ENOX2: variants seen among roughly 807,000 people sequenced by gnomAD.
ENOX2 encodes the protein APK1 antigen.
ENOX2 carries 36 observed loss-of-function variants against 45.0 expected under a neutral mutation model. The ratio of observed to expected loss-of-function variants is 0.80; its 90% confidence interval spans 0.61 to 1.06. The LOEUF is 1.06. Ranked by LOEUF, ENOX2 falls within the 50% of genes least tolerant of loss-of-function variation. The pLI is 0.00. For synonymous variants in ENOX2, 174 were observed against 152.3 expected (o/e 1.14, Z -1.05); for missense variants, 423 against 462.5 (o/e 0.91, Z 0.78).
chrX:130,632,979 G>A (rs963630349), intron 12 of ENOX2, among the ~76,000 whole-genome samples: 3 of 112,235 alleles, frequency 2.7e-5, no homozygotes, highest in South Asian at 3.7e-4. Flanking sequence ...ACAGATTGGG[G>A]TTGATTTAAG....
chrX:130,795,404 G>A (rs754527735), intron 2 of ENOX2, among the ~76,000 whole-genome samples: 2 of 111,399 alleles, frequency 1.8e-5, no homozygotes, highest in East Asian at 5.6e-4. Flanking sequence ...TACCATTGCT[G>A]TTGTATAAAA....
intron 2 of ENOX2, among the ~76,000 whole-genome samples, chrX:130,788,566 G>A (rs761702690): frequency 1.2e-3 from 132 of 111,134 alleles, no homozygotes; most frequent in Non-Finnish European, 1.5e-3. Flanking sequence ...ACAGCTTCTT[G>A]CTTATCTTAC....
chrX:130,774,438 GTGTT>G (rs2039807865), intron 3 of ENOX2, among the ~76,000 whole-genome samples: 1 of 111,951 alleles, frequency 8.9e-6, no homozygotes, highest in African/African-American at 3.3e-5. Flanking sequence ...ATTAGTATCT[GTGTT>G]TGTTTCCTTA....
At chrX:130,667,821 A>G (rs2036876215) in intron 7 of ENOX2, 79 bp from the exon 8 acceptor site, 1 of 805,858 alleles carries the variant, frequency 1.2e-6, no homozygotes, top group Non-Finnish European at 1.8e-6. Context: ...CAAAGAGGGC[A>G]TCATGATTTT....
chrX:130,670,234 GGGAGAGAA>G (rs779208737), intron 6 of ENOX2, 36 bp from the exon 7 acceptor site: 150 of 977,892 alleles, frequency 1.5e-4, no homozygotes, highest in Non-Finnish European at 2.0e-4. Flanking sequence ...AGAGGAGAGA[GGGAGAGAA>G]GGAGAGAAGT....
At chrX:130,728,829 T>C (rs1391139275) in intron 3 of ENOX2, among the ~76,000 whole-genome samples, 1 of 111,760 alleles carries the variant, frequency 8.9e-6, no homozygotes, top group Non-Finnish European at 1.9e-5. Context: ...AAGAGCATTT[T>C]CTTTTTCAGG....
chrX:130,680,294 G>A lies in ENOX2; in HGVS notation c.254-546C>T, dbSNP rs776203183. Among the ~76,000 whole-genome samples the A allele has an allele frequency of 1.2e-4, 14 of 112,010 alleles. No homozygotes were observed. The Admixed American group carries it at 1.3e-3, about 11-fold the overall frequency. The stretch of plus-strand genomic sequence containing the variant: ...AGAATGATTTGGTTTCACAAAATCA[G>A]TCAGAGTACAAACCATCCCTTTTAT... On this transcript the variant is annotated intron_variant, in intron 5 of 14. Coordinates refer to ENST00000394363, the MANE Select transcript of ENOX2 (RefSeq NM_006375.4).
intron 6 of ENOX2, among the ~76,000 whole-genome samples, chrX:130,676,822 C>A (rs1400394488): frequency 9.0e-6 from 1 of 111,702 alleles, no homozygotes; most frequent in Admixed American, 9.5e-5. Context: ...GACCTCCTCT[C>A]CTCTTTTCAC....
At position 130,627,355 on chromosome X, in the gene ENOX2, C is replaced by T. The variant is rs906502846; in HGVS notation, c.1614+603G>A. Among the ~76,000 whole-genome samples the T allele has an allele frequency of 6.3e-5, 7 of 111,801 alleles. No individual in the cohort carries two copies. The South Asian group carries it at 2.3e-3, about 36-fold the overall frequency. ...CAGCACTTTGGGAGGCCGAGGCAGG[C>T]GGCTTGCTTGAGTCCAGGAGTTCAA... On this transcript the variant is annotated intron_variant, in intron 14 of 14. Coordinates refer to ENST00000394363, the MANE Select transcript of ENOX2 (RefSeq NM_006375.4).
At chrX:130,666,965 C>T (rs750060585) in intron 8 of ENOX2, among the ~76,000 whole-genome samples, 10 of 111,625 alleles carry the variant, frequency 9.0e-5, no homozygotes, top group East Asian at 8.4e-4. Flanking sequence ...AGGTTTGGAG[C>T]GGAATTTCTT....
intron 3 of ENOX2, among the ~76,000 whole-genome samples, chrX:130,708,019 C>A (rs2038084870): frequency 8.9e-6 from 1 of 111,925 alleles, no homozygotes; most frequent in African/African-American, 3.3e-5. Context: ...TCAAAGAGAC[C>A]TCATCCTTGC....
intron 2 of ENOX2, among the ~76,000 whole-genome samples, chrX:130,856,207 G>A (rs1001048745): frequency 1.8e-5 from 2 of 112,437 alleles, no homozygotes; most frequent in Admixed American, 9.4e-5. Context: ...GGTATTACAC[G>A]TAGCACCATT....
At chrX:130,696,722 T>C (rs1158638586) in intron 4 of ENOX2, among the ~76,000 whole-genome samples, 1 of 111,678 alleles carries the variant, frequency 9.0e-6, no homozygotes, top group Non-Finnish European at 1.9e-5. Context: ...AAACTTCCTG[T>C]GAAAAATTTC....
At chrX:130,794,871 T>C (rs777372384) in intron 2 of ENOX2, among the ~76,000 whole-genome samples, 1 of 112,585 alleles carries the variant, frequency 8.9e-6, no homozygotes, top group Non-Finnish European at 1.9e-5. Context: ...CCAATCACTA[T>C]GCTACAATTT....
intron 12 of ENOX2, 74 bp from the exon 13 acceptor site, chrX:130,631,650 A>G: frequency 1.8e-6 from 1 of 558,296 alleles, no homozygotes; most frequent in East Asian, 3.3e-5. Context: ...ACTACACAAC[A>G]GGTAACTTAA....
intron 9 of ENOX2, among the ~76,000 whole-genome samples, chrX:130,658,828 A>G (rs2036610007): frequency 8.9e-6 from 1 of 112,583 alleles, no homozygotes; most frequent in Non-Finnish European, 1.9e-5. Flanking sequence ...AATTAAATGC[A>G]AGAATTCATC....
At chrX:130,789,107 G>A (rs980519789) in intron 2 of ENOX2, among the ~76,000 whole-genome samples, 2 of 111,837 alleles carry the variant, frequency 1.8e-5, no homozygotes, top group African/African-American at 6.5e-5. Flanking sequence ...CTCATCTAAT[G>A]GAACTAGGGG....
intron 12 of ENOX2, among the ~76,000 whole-genome samples, chrX:130,632,082 A>G (rs987838520): frequency 8.1e-5 from 9 of 111,387 alleles, no homozygotes; most frequent in Non-Finnish European, 1.5e-4. Context: ...CTCAATGGAC[A>G]ATCTACGTTG....
rs1379195734 is a variant in ENOX2 at position 130,866,620 on chromosome X, C to G, written c.-183+35064G>C. Among the ~76,000 whole-genome samples, 4 of 111,417 alleles carry G rather than the reference C, an allele frequency of 3.6e-5. No homozygotes were observed. In the Admixed American group the frequency reaches 3.8e-4, roughly 11 times the overall value. On this transcript the variant is annotated intron_variant, in intron 2 of 14. Transcript: ENST00000394363. ...GAAAGCTTGGCAAGCATCCTGTTCA[C>G]TTTTTTGTTCTACAAAATCCTATGT... is the stretch of plus-strand genomic sequence containing the variant.
Sources: allele counts gnomAD v4.1 joint callset (sites outside exome capture counted in the v4.1 genomes callset), GRCh38; gene constraint gnomAD v4.1.1; transcripts MANE v1.5; gene names NCBI Gene and HGNC (gene_info 2026-07-23, HGNC 2026-07-21).